The following KIF1B variants were observed in gnomAD, a reference collection of about 807,000 sequenced individuals.
KIF1B encodes the protein kinesin family member 1B.
Under a neutral mutation model 241.9 loss-of-function variants are expected in KIF1B, and 76 were observed. The observed-to-expected ratio is 0.31, with a 90% confidence interval of 0.26 to 0.38. The LOEUF is 0.38. Among genes scored for constraint, KIF1B ranks in the 10% least tolerant of loss-of-function variants. The pLI is 1.00. For missense variants in KIF1B, 1,622 were observed against 2,271.4 expected, an observed-to-expected ratio of 0.71 and a Z score of 5.81; for synonymous variants, 750 against 796.7, an observed-to-expected ratio of 0.94 and a Z score of 0.99.
At chr1:10,375,535 C>A (rs1286323828) in intron 48 of KIF1B, among the ~76,000 whole-genome samples, 162 bp downstream of exon 48, 1 of 152,096 alleles carries the variant, frequency 6.6e-6, no homozygotes, top group Non-Finnish European at 1.5e-5. Flanking sequence ...AGGCACGTGC[C>A]ACCATTGCCT....
At chr1:10,345,695 G>A (rs2102326559) in intron 34 of KIF1B, 150 bp from the exon 35 acceptor site, 2 of 671,842 alleles carry the variant, frequency 3.0e-6, no homozygotes, top group Middle Eastern at 2.6e-4. Flanking sequence ...GTTTATATTG[G>A]TGTTTCTCTG....
At chr1:10,317,499 A>G (rs550977500) in intron 22 of KIF1B, among the ~76,000 whole-genome samples, 2 of 151,448 alleles carry the variant, frequency 1.3e-5, no homozygotes, top group South Asian at 2.1e-4. Context: ...ACCAAGATCT[A>G]GGTGCTAAGT....
chr1:10,267,764 G>A (rs577577247), intron 6 of KIF1B, among the ~76,000 whole-genome samples: 7 of 152,328 alleles, frequency 4.6e-5, no homozygotes, highest in African/African-American at 1.7e-4. Flanking sequence ...AAACATGTTA[G>A]AGCTCTCATT....
intron 22 of KIF1B, chr1:10,304,314 G>A: frequency 6.2e-7 from 1 of 1,614,196 alleles, no homozygotes; most frequent in Non-Finnish European, 8.5e-7. Context: ...ATCAGCAACA[G>A]CCACCTCAAC....
rs914487788 is a variant in KIF1B at position 10,210,598 on chromosome 1, C to T, written c.-360C>T. On this transcript the variant is annotated 5_prime_UTR_variant, in exon 1 of 49. Coordinates refer to ENST00000676179, the MANE Select transcript of KIF1B (RefSeq NM_001365951.3). This position sits in a 1 kb window ranked among gnomAD's most constrained non-coding sequence, Gnocchi z 4.1. ...GTGACGGCAGCGGTCCTGGGAGGCG[C>T]CCGCGCGCGTCGGAGCAGCTCCCCG... is the stretch of plus-strand genomic sequence containing the variant. Among the ~76,000 whole-genome samples, 2 of 151,982 alleles carry T rather than the reference C, an allele frequency of 1.3e-5. No individual in the cohort carries two copies. The highest frequency in any genetic ancestry group is 2.9e-5 in the Non-Finnish European group (2 of 67,956).
rs75550234 is a variant in KIF1B at position 10,309,509 on chromosome 1, C to T, written c.2116-10534C>T. On this transcript the variant is annotated intron_variant, in intron 22 of 48. Coordinates refer to ENST00000676179, the MANE Select transcript of KIF1B (RefSeq NM_001365951.3). ...CATCTTGGGTGTGGATATTTTCCTT[C>T]CAGCTATTGCTTGCTAATTATAATC... Among the ~76,000 whole-genome samples the T allele has an allele frequency of 3.3e-3, 489 of 148,212 alleles. 31 individuals carry two copies. Among genetic ancestry groups the T allele is most frequent in the African/African-American group, 0.013 (479 of 37,720 alleles).
intron 3 of KIF1B, among the ~76,000 whole-genome samples, chr1:10,257,420 A>C (rs896849753): frequency 2.0e-5 from 3 of 150,316 alleles, no homozygotes; most frequent in Non-Finnish European, 4.4e-5. Flanking sequence ...GGTTGCAGTG[A>C]GCCGAGATCG....
intron 38 of KIF1B, among the ~76,000 whole-genome samples, chr1:10,357,132 T>C (rs1638275736): frequency 6.6e-6 from 1 of 152,180 alleles, no homozygotes; most frequent in East Asian, 1.9e-4. Flanking sequence ...TTCCCACTTT[T>C]ATCTCCCATA....
rs1427984416 is a variant in KIF1B at position 10,352,721 on chromosome 1, C to T, written c.4040C>T (p.Ser1347Phe). 1.9e-6 allele frequency: 3 copies of T among 1,613,498 alleles called. No individual in the cohort carries two copies. The highest frequency in any genetic ancestry group is 1.6e-4 in the Middle Eastern group (1 of 6,062). The change falls in exon 38 of 49, where the codon TCC (serine) becomes TTC (phenylalanine). Residue 1347 changes from serine to phenylalanine, a missense_variant. Ser to Phe is a radical substitution (Grantham distance 155). Transcript: ENST00000676179. ...ATTTCTGCCAAGTACCTGAAGTCTTCCCACAACTCTAGCAGGTGGGACACC... is the reference window on the plus strand; with the variant it reads ...ATTTCTGCCAAGTACCTGAAGTCTTTCCACAACTCTAGCAGGTGGGACACC... ...NIISAKYLKS[S>F]HNSSRTFYRF...
At chr1:10,308,257 T>C (rs1321800301) in intron 22 of KIF1B, 11 of 1,060,474 alleles carry the variant, frequency 1.0e-5, no homozygotes, top group African/African-American at 3.3e-5. Flanking sequence ...AACAAGCATT[T>C]GTCCTGTACT....
chr1:10,217,254 G>A (rs1646781321), intron 1 of KIF1B, among the ~76,000 whole-genome samples: 1 of 151,408 alleles, frequency 6.6e-6, no homozygotes, highest in Admixed American at 6.6e-5. Context: ...GATTACGGGC[G>A]TGACCCATTG....
At position 10,378,696 on chromosome 1, in the gene KIF1B, A is replaced by G; in HGVS notation, c.*2109A>G. ...GCTAGGGAGACTTGTGTCATCATCC[A>G]CAACCTTGTTTCTCACTTCCTGGTT... is the stretch of plus-strand genomic sequence containing the variant. On this transcript the variant is annotated 3_prime_UTR_variant, in exon 49 of 49. Transcript: ENST00000676179. 2.3e-6 allele frequency: 1 copy of G among 438,188 alleles called. No individual in the cohort carries two copies. The highest frequency in any genetic ancestry group is 4.2e-6 in the Non-Finnish European group (1 of 239,986). The allele number at this position is 438,188 out of a possible 1,614,324, so 27.1% of individuals were successfully genotyped here. A position where few individuals can be genotyped will look rare whatever the true frequency, so the allele number is the denominator to read the frequency against.
intron 4 of KIF1B, among the ~76,000 whole-genome samples, chr1:10,259,908 A>G (rs138985948): frequency 0.019 from 2,832 of 152,014 alleles, 39 homozygotes; most frequent in Non-Finnish European, 0.028. Context: ...CTCGACTTCC[A>G]GAAGTACTGG....
At chr1:10,211,162 T>C (rs909034113) in intron 1 of KIF1B, among the ~76,000 whole-genome samples, 1 of 152,142 alleles carries the variant, frequency 6.6e-6, no homozygotes, top group African/African-American at 2.4e-5. Flanking sequence ...TGCCCAGCGC[T>C]CTCCAGACCC....
chr1:10,288,569 A>G (rs967100980), intron 15 of KIF1B, among the ~76,000 whole-genome samples: 15 of 152,288 alleles, frequency 9.8e-5, no homozygotes, highest in African/African-American at 3.6e-4. Context: ...GACTTGTTCT[A>G]GCTTCTTCCA....
At chr1:10,270,733 G>C (rs989255905) in intron 7 of KIF1B, among the ~76,000 whole-genome samples, 1 of 151,914 alleles carries the variant, frequency 6.6e-6, no homozygotes, top group Non-Finnish European at 1.5e-5. Flanking sequence ...GACCAGCCTG[G>C]TCAACATGGT....
chr1:10,234,081 A>G (rs1647017509), intron 2 of KIF1B, among the ~76,000 whole-genome samples: 1 of 152,120 alleles, frequency 6.6e-6, no homozygotes, highest in Non-Finnish European at 1.5e-5. Context: ...AAACCTTTCT[A>G]GGGAATAGGC....
intron 32 of KIF1B, 73 bp downstream of exon 32, chr1:10,339,932 A>G: frequency 1.6e-6 from 2 of 1,260,560 alleles, no homozygotes; most frequent in Non-Finnish European, 2.3e-6. Flanking sequence ...GGGAAGGGTG[A>G]TAAGAAGAGG....
At chr1:10,281,704 C>T (rs1649413427) in intron 14 of KIF1B, among the ~76,000 whole-genome samples, 2 of 152,178 alleles carry the variant, frequency 1.3e-5, no homozygotes, top group African/African-American at 4.8e-5. Flanking sequence ...CAAAATTCCT[C>T]TCATTTCTAT....
Sources: gnomAD v4.1 joint callset for allele counts (sites outside exome capture counted in the v4.1 genomes callset) on GRCh38, gnomAD v4.1.1 for gene constraint, Gnocchi (gnomAD v3.1) non-coding constraint, MANE v1.5 for transcripts, NCBI Gene and HGNC (gene_info 2026-07-23, HGNC 2026-07-21) for gene names.